The following RYR2 variants were observed in gnomAD, a reference collection of about 807,000 sequenced individuals.
RYR2 encodes cardiac muscle ryanodine receptor-calcium release channel.
Under a neutral mutation model 601.1 loss-of-function variants are expected in RYR2, and 227 were observed. That is an observed-to-expected ratio of 0.38 (90% CI 0.34 to 0.42). The LOEUF (loss-of-function observed/expected upper bound fraction) is 0.42. RYR2 is among the 10% of genes least tolerant of loss of function. The pLI is 1.00. For synonymous variants in RYR2, 2,223 were observed against 2,175.1 expected (o/e 1.02, Z -0.61); for missense variants, 4,646 against 6,156.5 (o/e 0.75, Z 8.21).
intron 2 of RYR2, among the ~76,000 whole-genome samples, chr1:237,314,152 C>T (rs1341472962): frequency 1.3e-5 from 2 of 149,284 alleles, no homozygotes; most frequent in Non-Finnish European, 3.0e-5. Flanking sequence ...GCAAGCTCCA[C>T]CTCCAGGGTT....
intron 10 of RYR2, among the ~76,000 whole-genome samples, chr1:237,393,550 T>C (rs1702567642): frequency 6.6e-6 from 1 of 152,208 alleles, no homozygotes; most frequent in Admixed American, 6.5e-5. Context: ...AGGAGGAAGC[T>C]CTTAAAGCTA....
At chr1:237,212,921 A>G (rs375839487) in intron 1 of RYR2, among the ~76,000 whole-genome samples, 1 of 151,954 alleles carries the variant, frequency 6.6e-6, no homozygotes, top group Non-Finnish European at 1.5e-5. Flanking sequence ...ACAGGCACCC[A>G]CCACCACGCC....
intron 1 of RYR2, among the ~76,000 whole-genome samples, chr1:237,186,299 C>T (rs148027973): frequency 6.6e-6 from 1 of 152,230 alleles, no homozygotes; most frequent in East Asian, 1.9e-4. Context: ...TTAACACAGG[C>T]GTGATGGTTA....
chr1:237,339,137 A>C (rs1471124099), intron 3 of RYR2, among the ~76,000 whole-genome samples: 1 of 152,138 alleles, frequency 6.6e-6, no homozygotes, highest in Non-Finnish European at 1.5e-5. Flanking sequence ...CTGTGACCAT[A>C]CTTTAAATAG....
rs762481073 is a variant in RYR2 at position 237,454,350 on chromosome 1, T to C, written c.1293-41T>C. ...TATAAATGGAAAAATGATAAAATTG[T>C]GAATCACTGACAATAGAGAAATGTT... On this transcript the variant is annotated intron_variant, in intron 14 of 104. Transcript: ENST00000366574. 32 of 1,543,542 alleles carry C rather than the reference T, an allele frequency of 2.1e-5. No individual in the cohort carries two copies. In the South Asian group the frequency reaches 3.8e-4, roughly 18 times the overall value.
intron 27 of RYR2, among the ~76,000 whole-genome samples, chr1:237,560,677 C>A (rs796714526): frequency 6.6e-6 from 1 of 152,182 alleles, no homozygotes; most frequent in African/African-American, 2.4e-5. Context: ...AGTTAATTTC[C>A]AGAGCTATGA....
At chr1:237,198,780 T>C (rs540537136) in intron 1 of RYR2, among the ~76,000 whole-genome samples, 1 of 152,174 alleles carries the variant, frequency 6.6e-6, no homozygotes, top group East Asian at 1.9e-4. Context: ...CTTGGAAAAC[T>C]TGCAAAGGAT....
At chr1:237,153,759 T>C (rs1674995985) in intron 1 of RYR2, among the ~76,000 whole-genome samples, 1 of 152,152 alleles carries the variant, frequency 6.6e-6, no homozygotes, top group Non-Finnish European at 1.5e-5. Flanking sequence ...CTTCTCTGAA[T>C]TGTTACATAT....
intron 33 of RYR2, among the ~76,000 whole-genome samples, chr1:237,594,637 A>C (rs1675599021): frequency 6.6e-6 from 1 of 152,112 alleles, no homozygotes; most frequent in Non-Finnish European, 1.5e-5. Flanking sequence ...ATTGGATTTT[A>C]TGTAGATAGT....
intron 55 of RYR2, among the ~76,000 whole-genome samples, chr1:237,660,607 A>C (rs201154716): frequency 6.6e-6 from 1 of 152,128 alleles, no homozygotes; most frequent in Non-Finnish European, 1.5e-5. Context: ...CAAAGCGAGG[A>C]TCCCTCTTAC....
intron 37 of RYR2, among the ~76,000 whole-genome samples, chr1:237,616,156 C>T (rs1678441607): frequency 6.6e-6 from 1 of 152,150 alleles, no homozygotes; most frequent in Admixed American, 6.5e-5. Flanking sequence ...GGGTTGGACA[C>T]TGTGACTACT....
chr1:237,215,905 G>A (rs1331167908), intron 1 of RYR2, among the ~76,000 whole-genome samples: 2 of 152,124 alleles, frequency 1.3e-5, no homozygotes. Context: ...CTACATTCTA[G>A]TAATTACGTT....
At chr1:237,251,445 C>A (rs1687456718) in intron 1 of RYR2, among the ~76,000 whole-genome samples, 1 of 152,116 alleles carries the variant, frequency 6.6e-6, no homozygotes, top group South Asian at 2.1e-4. Flanking sequence ...TAGCATTCTA[C>A]CTGGTTGACT....
At chr1:237,217,564 T>C (rs1683326643) in intron 1 of RYR2, among the ~76,000 whole-genome samples, 2 of 152,114 alleles carry the variant, frequency 1.3e-5, no homozygotes, top group African/African-American at 2.4e-5. Context: ...GGAATAATAA[T>C]AGCACCAAGT....
Position 237,375,318 on chromosome 1 carries a change from T to C in RYR2, c.463+523T>C, listed in dbSNP as rs541295833. Among the ~76,000 whole-genome samples, 4 of 152,346 alleles carry C rather than the reference T, an allele frequency of 2.6e-5. No homozygotes were observed. In the South Asian group the frequency reaches 8.3e-4, roughly 32 times the overall value. The stretch of plus-strand genomic sequence containing the variant: ...AACACTTTTTTTTGGAGAATCAAAA[T>C]AGGAGAACACAAACTTGATGTTCTT... On this transcript the variant is annotated intron_variant, in intron 7 of 104. Transcript: ENST00000366574.
chr1:237,205,225 G>C (rs1681671959), intron 1 of RYR2, among the ~76,000 whole-genome samples: 1 of 152,204 alleles, frequency 6.6e-6, no homozygotes, highest in Non-Finnish European at 1.5e-5. Context: ...TGGTTGGTGG[G>C]CCCTTGTTTG....
intron 25 of RYR2, among the ~76,000 whole-genome samples, chr1:237,545,447 T>G (rs575447712): frequency 3.9e-5 from 6 of 152,314 alleles, no homozygotes; most frequent in African/African-American, 1.4e-4. Flanking sequence ...TAGCAATGGC[T>G]CCGATCAGTG....
chr1:237,607,671 T>G lies in RYR2; in HGVS notation c.4684-3091T>G, dbSNP rs77798039. The stretch of plus-strand genomic sequence containing the variant: ...AGGAGACTGAGAATGAATGATTGAT[T>G]TAAAATTTTAGTTTGGACAATTTGA... On this transcript the variant is annotated intron_variant, in intron 35 of 104. Transcript: ENST00000366574. Among the ~76,000 whole-genome samples the G allele has an allele frequency of 4.0e-3, 605 of 152,344 alleles. 2 individuals carry two copies. Among genetic ancestry groups the G allele is most frequent in the African/African-American group, 0.014 (562 of 41,574 alleles).
chr1:237,055,135 G>T (rs181584115), intron 1 of RYR2, among the ~76,000 whole-genome samples: 1 of 152,130 alleles, frequency 6.6e-6, no homozygotes, highest in East Asian at 1.9e-4. Flanking sequence ...CCTTGAGAGT[G>T]CCATTCCCTT....
Sources: gnomAD v4.1 joint callset for allele counts (sites outside exome capture counted in the v4.1 genomes callset) on GRCh38, gnomAD v4.1.1 for gene constraint, MANE v1.5 for transcripts, NCBI Gene and HGNC (gene_info 2026-07-23, HGNC 2026-07-21) for gene names.